RBM28: variants seen among roughly 807,000 people sequenced by gnomAD.
RBM28 encodes RNA binding motif protein 28.
A neutral mutation model predicts 98.3 loss-of-function variants in RBM28; 78 were observed. The ratio of observed to expected loss-of-function variants is 0.79; its 90% CI spans 0.66 to 0.96. The LOEUF (loss-of-function observed/expected upper bound fraction) is 0.96. Among genes scored for constraint, RBM28 ranks in the 40% least tolerant of loss-of-function variants. The pLI is 0.00. For synonymous variants in RBM28, 306 were observed against 330.9 expected (o/e 0.92, Z 0.82); for missense variants, 838 against 913.0 (o/e 0.92, Z 1.06).
At position 128,339,346 on chromosome 7, in the gene RBM28, A is replaced by T. The variant is rs755424030; in HGVS notation, c.278-25T>A. On this transcript the variant is annotated intron_variant, in intron 2 of 18. Transcript: ENST00000223073. ...TCTAAAAAATAAGAGGTAATGGAATAAGTACTCGAAAATCACCCACTTCTA... is the reference window on the plus strand; with the variant it reads ...TCTAAAAAATAAGAGGTAATGGAATTAGTACTCGAAAATCACCCACTTCTA... 8 of 1,550,766 alleles carry T rather than the reference A, an allele frequency of 5.2e-6. 1 individual carries two copies. In the South Asian group the frequency reaches 9.0e-5, roughly 17 times the overall value.
rs534776390 is a variant in RBM28, at chr7:128,317,344, T to A, written c.1788+315A>T. ...AAATATGGAAGAGATAACTGAAATC[T>A]ACAGGTAATGGGAAACCTTAACCTC... On this transcript the variant is annotated intron_variant, in intron 16 of 18. Transcript: ENST00000223073. 5.9e-5 allele frequency among the ~76,000 whole-genome samples: 9 copies of A among 152,340 alleles called. No homozygotes were observed. The South Asian group carries it at 1.0e-3, about 18-fold the overall frequency.
chr7:128,314,020 T>C (rs188365541), intron 17 of RBM28, among the ~76,000 whole-genome samples: 58 of 152,214 alleles, frequency 3.8e-4, no homozygotes, highest in African/African-American at 1.4e-3. Context: ...CAGAGTGCAG[T>C]GGCGTGATCT....
intron 3 of RBM28, 121 bp downstream of exon 3, chr7:128,339,106 G>C: frequency 8.4e-6 from 8 of 951,586 alleles, no homozygotes; most frequent in Non-Finnish European, 3.4e-6. Context: ...ACAGGGGTAA[G>C]GTTGATTCCC....
chr7:128,339,607 ACTTC>A, intron 2 of RBM28, 22 bp downstream of exon 2: 1 of 1,608,264 alleles, frequency 6.2e-7, no homozygotes. Flanking sequence ...TGGGAGAAAA[ACTTC>A]CTTCAATTAC....
At chr7:128,321,149 G>A (rs1168025482) in intron 14 of RBM28, 117 bp downstream of exon 14, 2 of 1,374,070 alleles carry the variant, frequency 1.5e-6, no homozygotes, top group Non-Finnish European at 2.0e-6. Flanking sequence ...CTGGGCAACA[G>A]AGTGAGACTT....
chr7:128,326,834 C>T (rs1259894236), intron 10 of RBM28, among the ~76,000 whole-genome samples: 12 of 152,146 alleles, frequency 7.9e-5, no homozygotes, highest in Admixed American at 7.9e-4. Context: ...CATGATCTCT[C>T]TTAATAAGAA....
chr7:128,336,051 G>A lies in RBM28; in HGVS notation c.614-9C>T, dbSNP rs746525582. The A allele has an allele frequency of 1.9e-6, 3 of 1,603,700 alleles. No homozygotes were observed. Among genetic ancestry groups the A allele is most frequent in the Non-Finnish European group, 2.6e-6 (3 of 1,174,792 alleles). On this transcript the variant is annotated splice_polypyrimidine_tract_variant and intron_variant, in intron 6 of 18. Coordinates refer to ENST00000223073, the MANE Select transcript of RBM28 (RefSeq NM_018077.3). Reference sequence around the variant, plus strand: ...ATGGCTCTTTTCCTCACCTATGGAGGGAGGTAAAGAAAGGAGGAATTCATT... The same window carrying A: ...ATGGCTCTTTTCCTCACCTATGGAGAGAGGTAAAGAAAGGAGGAATTCATT...
intron 14 of RBM28, among the ~76,000 whole-genome samples, chr7:128,318,452 G>A (rs1435404585): frequency 5.4e-5 from 8 of 148,886 alleles, no homozygotes; most frequent in Non-Finnish European, 1.0e-4. Flanking sequence ...TCCAGCCTGG[G>A]CAACAGAGTG....
rs774638797 is a variant in RBM28 at position 128,335,942 on chromosome 7, ATCG to A, written c.711_713del (p.Asp241del). 7.0e-5 allele frequency: 113 copies of A among 1,603,778 alleles called. No individual in the cohort carries two copies. In the African/African-American group the frequency reaches 1.3e-3, roughly 18 times the overall value. On this transcript the variant is annotated inframe_deletion, in exon 7 of 19. Transcript: ENST00000223073. Reference sequence around the variant, plus strand: ...AAACCCCATCTTCTTCATCATCATCATCGTCATCATCATCGTTTTCTTCCTCTT... The same window carrying A: ...AAACCCCATCTTCTTCATCATCATCATCATCATCATCGTTTTCTTCCTCTT...
rs1160772388 is a variant in RBM28, at chr7:128,300,879, G to C, written c.*9918C>G. ...ATCTCTTCACAGCGCTCCACCCCTA[G>C]GGCCTGCTTAAATGGCACAGCCAGC... is the stretch of plus-strand genomic sequence containing the variant. On this transcript the variant is annotated 3_prime_UTR_variant, in exon 19 of 19. Transcript: ENST00000223073. The C allele has an allele frequency of 6.6e-6, 1 of 152,344 alleles. No homozygotes were observed. Among genetic ancestry groups the C allele is most frequent in the Non-Finnish European group, 1.5e-5 (1 of 68,180 alleles). The allele number at this position is 152,344 out of a possible 1,614,324, so 9.4% of individuals were successfully genotyped here.
chr7:128,337,562 CTTTT>C (rs57902037), intron 5 of RBM28, among the ~76,000 whole-genome samples: 1 of 139,822 alleles, frequency 7.2e-6, no homozygotes, highest in Non-Finnish European at 1.5e-5. Context: ...GCAATAACTT[CTTTT>C]TTTTTTTTTT....
rs1411533009 is a variant in RBM28, at chr7:128,303,627, G to A, written c.*7170C>T. The A allele has an allele frequency of 6.6e-6, 1 of 152,230 alleles. No homozygotes were observed. The highest frequency in any genetic ancestry group is 2.4e-5 in the African/African-American group (1 of 41,434). 9.4% of individuals were successfully genotyped at this position (152,230 alleles called of 1,614,324 possible). Reference sequence around the variant, plus strand: ...CAGCTGCTCCAGGTGTCGTTTAAGGGCTCCAAATTCCTTCCAACTAAAAGT... The same window carrying A: ...CAGCTGCTCCAGGTGTCGTTTAAGGACTCCAAATTCCTTCCAACTAAAAGT... On this transcript the variant is annotated 3_prime_UTR_variant, in exon 19 of 19. Transcript: ENST00000223073.
intron 5 of RBM28, among the ~76,000 whole-genome samples, chr7:128,337,611 T>G (rs891096471): frequency 6.9e-6 from 1 of 145,326 alleles, no homozygotes; most frequent in Non-Finnish European, 1.5e-5. Flanking sequence ...CAGGCTGGAG[T>G]GCAGTGGTGC....
intron 12 of RBM28, among the ~76,000 whole-genome samples, chr7:128,324,223 A>C (rs79340189): frequency 0.029 from 4,423 of 152,320 alleles, 196 homozygotes; most frequent in African/African-American, 0.1. Flanking sequence ...AATCCAAAAG[A>C]GTAATTTTAG....
chr7:128,329,160 C>T (rs974031323), intron 10 of RBM28, among the ~76,000 whole-genome samples: 7 of 152,096 alleles, frequency 4.6e-5, no homozygotes, highest in African/African-American at 1.7e-4. Context: ...AGTGCAGTGG[C>T]ACGATCTCGG....
At chr7:128,316,370 C>T (rs1369485690) in intron 16 of RBM28, among the ~76,000 whole-genome samples, 2 of 152,152 alleles carry the variant, frequency 1.3e-5, no homozygotes, top group African/African-American at 2.4e-5. Context: ...ACAGAAAGAA[C>T]AGTATGAATA....
chr7:128,343,615 T>C, intron 1 of RBM28, 61 bp downstream of exon 1: 1 of 1,271,556 alleles, frequency 7.9e-7, no homozygotes, highest in East Asian at 2.5e-5. Context: ...TCCCTGAAGT[T>C]TGGGAAGGTG....
Position 128,310,882 on chromosome 7 carries a change from T to A in RBM28, c.2195A>T (p.Gln732Leu), listed in dbSNP as rs1311503959. 4 of 1,614,094 alleles carry A rather than the reference T, an allele frequency of 2.5e-6. No individual in the cohort carries two copies. In the South Asian group the frequency reaches 4.4e-5, roughly 18 times the overall value. ...KGNKTETRFN[Q>L]LVEQYKQKLL... ...TTTCTGCTTATATTGTTCGACCAGC[T>A]GGTTGAAGCGGGTTTCCGTCTTATT... The change falls in exon 19 of 19, where the codon CAG (glutamine) becomes CTG (leucine). Residue 732 changes from glutamine to leucine, a missense_variant. Gln to Leu is a moderately radical substitution (Grantham distance 113). Transcript: ENST00000223073.
At chr7:128,338,920 G>A in intron 3 of RBM28, 119 bp from the exon 4 acceptor site, 1 of 814,192 alleles carries the variant, frequency 1.2e-6, no homozygotes, top group South Asian at 1.4e-5. Context: ...TTTTATTTTT[G>A]ATACTAGGAC....
Sources: gnomAD v4.1 joint callset for allele counts (sites outside exome capture counted in the v4.1 genomes callset) on GRCh38, gnomAD v4.1.1 for gene constraint, MANE v1.5 for transcripts, NCBI Gene and HGNC (gene_info 2026-07-23, HGNC 2026-07-21) for gene names.